ZCCHC7: variants seen among roughly 807,000 people sequenced by gnomAD.
ZCCHC7 encodes zinc finger CCHC domain-containing protein 7.
In ZCCHC7, 35 loss-of-function variants were observed where a neutral mutation model predicts 52.0. That is an observed-to-expected ratio of 0.67 (90% CI 0.51 to 0.89). ZCCHC7 has a LOEUF of 0.89. ZCCHC7 is among the 40% of genes least tolerant of loss of function. The pLI, the probability that ZCCHC7 is intolerant of heterozygous loss-of-function variation, is 0.00. For synonymous variants in ZCCHC7, 217 were observed against 221.5 expected (o/e 0.98, Z 0.18); for missense variants, 574 against 649.1 (o/e 0.88, Z 1.26).
At chr9:37,315,213 A>G (rs1189684678) in intron 5 of ZCCHC7, among the ~76,000 whole-genome samples, 1 of 152,136 alleles carries the variant, frequency 6.6e-6, no homozygotes, top group Admixed American at 6.5e-5. Context: ...AATGGGATAA[A>G]GTATACATAC....
At chr9:37,151,168 G>A (rs552395622) in intron 2 of ZCCHC7, among the ~76,000 whole-genome samples, 74 of 151,786 alleles carry the variant, frequency 4.9e-4, no homozygotes, top group South Asian at 1.2e-3. Context: ...GGGTTTCACC[G>A]TGTTAGCCAG....
chr9:37,152,016 C>T (rs1030855350), intron 2 of ZCCHC7, among the ~76,000 whole-genome samples: 10 of 152,106 alleles, frequency 6.6e-5, no homozygotes, highest in Admixed American at 5.9e-4. Context: ...TGAATTGAGA[C>T]CAACAGTTTT....
At chr9:37,194,903 G>T (rs979911309) in intron 2 of ZCCHC7, among the ~76,000 whole-genome samples, 1 of 151,352 alleles carries the variant, frequency 6.6e-6, no homozygotes, top group African/African-American at 2.4e-5. Context: ...CTCTCAGGTG[G>T]GTATAGCAGA....
At chr9:37,345,004 G>A (rs1820872144) in intron 6 of ZCCHC7, among the ~76,000 whole-genome samples, 1 of 152,140 alleles carries the variant, frequency 6.6e-6, no homozygotes. Context: ...TAGTTTCTAG[G>A]AAAAGTGACC....
At chr9:37,253,016 A>C (rs1826404149) in intron 2 of ZCCHC7, among the ~76,000 whole-genome samples, 1 of 152,136 alleles carries the variant, frequency 6.6e-6, no homozygotes, top group African/African-American at 2.4e-5. Context: ...CTTTCATTAA[A>C]ATACAGCTGA....
intron 2 of ZCCHC7, among the ~76,000 whole-genome samples, chr9:37,164,166 T>G (rs1428042258): frequency 6.6e-6 from 1 of 152,110 alleles, no homozygotes; most frequent in East Asian, 1.9e-4. Context: ...TTCTGGCCAG[T>G]CATGGTAGCT....
intron 2 of ZCCHC7, among the ~76,000 whole-genome samples, chr9:37,159,807 A>G (rs1564148504): frequency 6.6e-6 from 1 of 152,232 alleles, no homozygotes; most frequent in Non-Finnish European, 1.5e-5. Context: ...GAAAGACATC[A>G]GAAAAACTAA....
At chr9:37,222,718 TAAAAAC>T (rs1259009476) in intron 2 of ZCCHC7, among the ~76,000 whole-genome samples, 2 of 151,970 alleles carry the variant, frequency 1.3e-5, no homozygotes, top group African/African-American at 4.8e-5. Context: ...GAACAATCAT[TAAAAAC>T]AAAATTGAGA....
chr9:37,167,874 G>A (rs376369477), intron 2 of ZCCHC7, among the ~76,000 whole-genome samples: 2 of 152,126 alleles, frequency 1.3e-5, no homozygotes, highest in African/African-American at 4.8e-5. Flanking sequence ...TCCCATCCCT[G>A]TGTGAATGCC....
chr9:37,230,196 AG>A (rs1442668420), intron 2 of ZCCHC7, among the ~76,000 whole-genome samples: 1 of 152,236 alleles, frequency 6.6e-6, no homozygotes, highest in African/African-American at 2.4e-5. Context: ...AACAATAAAA[AG>A]TATAGTAAAT....
chr9:37,263,588 A>G (rs1480751309), intron 2 of ZCCHC7, among the ~76,000 whole-genome samples: 2 of 152,192 alleles, frequency 1.3e-5, no homozygotes, highest in Non-Finnish European at 2.9e-5. Flanking sequence ...GTTAAGAACA[A>G]AAGACTAGAA....
intron 5 of ZCCHC7, among the ~76,000 whole-genome samples, chr9:37,325,551 C>T (rs748944084): frequency 1.3e-5 from 2 of 151,908 alleles, no homozygotes; most frequent in East Asian, 1.9e-4. Context: ...AAGAAAAATA[C>T]GTGCAACGAC....
At chr9:37,302,291 A>G (rs1409849252) in intron 3 of ZCCHC7, 60 bp downstream of exon 3, 7 of 1,389,184 alleles carry the variant, frequency 5.0e-6, no homozygotes, top group South Asian at 1.2e-5. Context: ...ATAGTTTATT[A>G]TGATAACTTT....
intron 2 of ZCCHC7, among the ~76,000 whole-genome samples, chr9:37,237,937 A>C (rs2133344218): frequency 6.6e-6 from 1 of 152,326 alleles, no homozygotes; most frequent in Admixed American, 6.5e-5. Context: ...GGTGGTGGGC[A>C]AAACTCATTC....
intron 2 of ZCCHC7, among the ~76,000 whole-genome samples, chr9:37,160,692 C>T (rs1783545493): frequency 6.6e-6 from 1 of 152,020 alleles, no homozygotes; most frequent in Non-Finnish European, 1.5e-5. Context: ...TCAAGACCAG[C>T]CCGGCCAATG....
At chr9:37,177,089 C>T (rs528696168) in intron 2 of ZCCHC7, among the ~76,000 whole-genome samples, 1 of 152,162 alleles carries the variant, frequency 6.6e-6, no homozygotes, top group Non-Finnish European at 1.5e-5. Flanking sequence ...CGCCTGTAAT[C>T]CCAGCACTTT....
At chr9:37,260,184 T>C (rs1195013312) in intron 2 of ZCCHC7, among the ~76,000 whole-genome samples, 1 of 152,228 alleles carries the variant, frequency 6.6e-6, no homozygotes, top group Non-Finnish European at 1.5e-5. Context: ...CATATACTGT[T>C]AGGATAGGTT....
At chr9:37,216,709 T>C (rs77109462) in intron 2 of ZCCHC7, among the ~76,000 whole-genome samples, 2 of 152,050 alleles carry the variant, frequency 1.3e-5, no homozygotes, top group Non-Finnish European at 2.9e-5. Flanking sequence ...AAAGTGTATC[T>C]TATAGGGAGA....
rs869292704 is a variant in ZCCHC7, at chr9:37,306,762, C to CTT, written c.951+1089_951+1090dup. On this transcript the variant is annotated intron_variant, in intron 5 of 8. Transcript: ENST00000336755. ...ACAGGCATGAGCCACTGTACCCGAC[C>CTT]TTTTTTTTTTTTTTTTTTTTTTTTT... is the stretch of plus-strand genomic sequence containing the variant. 1.3e-3 allele frequency among the ~76,000 whole-genome samples: 67 copies of CTT among 52,034 alleles called. 16 individuals are homozygous for CTT. The highest frequency in any genetic ancestry group is 2.7e-3 in the East Asian group (4 of 1,458). The allele number at this position is 52,034 out of a possible 152,430, so 34.1% of individuals were successfully genotyped here. A position where few individuals can be genotyped will look rare whatever the true frequency, so the allele number is the denominator to read the frequency against.
Sources: gnomAD v4.1 joint callset for allele counts (sites outside exome capture counted in the v4.1 genomes callset) on GRCh38, gnomAD v4.1.1 for gene constraint, MANE v1.5 for transcripts, NCBI Gene and HGNC (gene_info 2026-07-23, HGNC 2026-07-21) for gene names.